Variants in HSPA12A observed in about 807,000 individuals in gnomAD.
The protein encoded by HSPA12A is heat shock protein family A (Hsp70) member 12A, also known as heat shock 70 kDa protein 12A.
HSPA12A carries 28 observed loss-of-function variants against 69.2 expected under a neutral mutation model. The observed-to-expected ratio is 0.40, with a 90% CI of 0.30 to 0.55. HSPA12A has a LOEUF of 0.55. HSPA12A is among the 20% of genes least tolerant of loss of function. HSPA12A has a pLI of 0.38. For synonymous variants in HSPA12A, 345 were observed against 370.5 expected, an observed-to-expected ratio of 0.93 and a Z score of 0.79; for missense variants, 686 against 900.7, an observed-to-expected ratio of 0.76 and a Z score of 3.05.
chr10:116,729,074 G>A (rs1379596767), intron 1 of HSPA12A, among the ~76,000 whole-genome samples: 6 of 152,302 alleles, frequency 3.9e-5, no homozygotes, highest in East Asian at 1.9e-4. Context: ...TCACACAAAT[G>A]TGAGTTGTGT....
chr10:116,752,141 G>C lies in HSPA12A; in HGVS notation c.92-44856C>G, dbSNP rs543732886. ...GCCTCTATTTCAGATGGGGACGTTG[G>C]GGGTGGTGAGGTCAAGTCACCTGCT... On this transcript the variant is annotated intron_variant, in intron 2 of 12. Coordinates refer to the HSPA12A transcript ENST00000635765. Among the ~76,000 whole-genome samples the C allele has an allele frequency of 3.3e-5, 5 of 152,276 alleles. No individual in the cohort carries two copies. In the South Asian group the frequency reaches 6.2e-4, roughly 19 times the overall value.
At chr10:116,694,887 C>G (rs1356216586) in intron 5 of HSPA12A, among the ~76,000 whole-genome samples, 1 of 152,188 alleles carries the variant, frequency 6.6e-6, no homozygotes, top group African/African-American at 2.4e-5. Context: ...TCCAAGCAGG[C>G]TTCACAACGC....
chr10:116,685,200 T>C (rs1849543351), intron 6 of HSPA12A, among the ~76,000 whole-genome samples: 1 of 152,174 alleles, frequency 6.6e-6, no homozygotes, highest in African/African-American at 2.4e-5. Context: ...TGCATTCTTC[T>C]TGCAGACCAG....
intron 1 of HSPA12A, among the ~76,000 whole-genome samples, chr10:116,722,841 T>C (rs1329366903): frequency 1.3e-5 from 2 of 152,172 alleles, no homozygotes; most frequent in African/African-American, 2.4e-5. Context: ...TGAGACACCA[T>C]GGTAAGTGCC....
At chr10:116,745,062 C>G (rs1433196672), upstream of HSPA12A, among the ~76,000 whole-genome samples, 2 of 152,182 alleles carry the variant, frequency 1.3e-5, no homozygotes, top group African/African-American at 4.8e-5. Flanking sequence ...CTCCCCCGGA[C>G]ACATCCTTCA....
intron 2 of HSPA12A, among the ~76,000 whole-genome samples, chr10:116,705,840 C>T (rs967883782): frequency 2.0e-5 from 3 of 151,710 alleles, no homozygotes; most frequent in Non-Finnish European, 4.4e-5. Context: ...GGCCTTGCCT[C>T]ATCTAGATCA....
At chr10:116,796,163 A>AAG (rs1554893392) in intron 2 of HSPA12A, among the ~76,000 whole-genome samples, 16 of 138,938 alleles carry the variant, frequency 1.2e-4, no homozygotes, top group East Asian at 2.1e-4. Context: ...AAAAAAAAAA[A>AAG]AAAGAAAGAA....
chr10:116,690,033 T>C (rs909473530), intron 6 of HSPA12A, among the ~76,000 whole-genome samples: 6 of 152,226 alleles, frequency 3.9e-5, no homozygotes, highest in Non-Finnish European at 5.9e-5. Context: ...TGTGGCCTAG[T>C]CAAGTTGACA....
chr10:116,697,746 C>T (rs1621708), intron 5 of HSPA12A, among the ~76,000 whole-genome samples: 8,558 of 152,186 alleles, frequency 0.056, 418 homozygotes, highest in East Asian at 0.26. Context: ...AGTGGGTTTT[C>T]GTATATTCAC....
In HSPA12A at chr10:116,792,503, G is replaced by A. The variant is rs150287293; in HGVS notation, c.91+42432C>T. 7.9e-5 allele frequency among the ~76,000 whole-genome samples: 12 copies of A among 151,618 alleles called. No individual in the cohort carries two copies. In the South Asian group the frequency reaches 1.7e-3, roughly 21 times the overall value. On this transcript the variant is annotated intron_variant, in intron 2 of 12. Transcript: ENST00000635765. ...AAAAATAAAAATAAATCAGCTGGGCGCAGTAGCACATGCCCGTAATCCCAG... is the reference window on the plus strand; with the variant it reads ...AAAAATAAAAATAAATCAGCTGGGCACAGTAGCACATGCCCGTAATCCCAG...
chr10:116,676,926 T>C (rs2860465), intron 10 of HSPA12A, among the ~76,000 whole-genome samples: 143,200 of 152,298 alleles, frequency 0.94, 67,389 homozygotes, highest in South Asian at 0.96. Context: ...GTCCTCAGCC[T>C]TCCAGGCACC....
upstream of HSPA12A, among the ~76,000 whole-genome samples, chr10:116,747,376 A>G (rs1472107559): frequency 1.7e-4 from 26 of 152,362 alleles, no homozygotes; most frequent in African/African-American, 6.3e-4. Context: ...TGGCTCGTCT[A>G]TGGTTAGTCT....
chr10:116,704,402 T>C (rs930740632), intron 3 of HSPA12A, among the ~76,000 whole-genome samples: 4 of 152,044 alleles, frequency 2.6e-5, no homozygotes, highest in South Asian at 2.1e-4. Flanking sequence ...TAGGTGGGAA[T>C]TGAACAATGA....
intron 1 of HSPA12A, among the ~76,000 whole-genome samples, chr10:116,727,020 A>G (rs772476429): frequency 2.7e-5 from 4 of 150,530 alleles, no homozygotes; most frequent in Non-Finnish European, 4.5e-5. Context: ...TGGATCTAAC[A>G]AAGTGTTATC....
intron 5 of HSPA12A, among the ~76,000 whole-genome samples, chr10:116,694,814 G>T (rs902203532): frequency 6.6e-6 from 1 of 152,028 alleles, no homozygotes; most frequent in East Asian, 1.9e-4. Context: ...GGTCCACCTC[G>T]TTGTGCCCCT....
At position 116,674,659 on chromosome 10, in the gene HSPA12A, C is replaced by T. The variant is rs1411607601; in HGVS notation, c.*122G>A. Reference sequence around the variant, plus strand: ...TATTTCTAGCCCTGATTGTTCTCATCTTCCCTGCTGAAATTCACATGGGCA... The same window carrying T: ...TATTTCTAGCCCTGATTGTTCTCATTTTCCCTGCTGAAATTCACATGGGCA... On this transcript the variant is annotated 3_prime_UTR_variant, in exon 12 of 12. Transcript: ENST00000369209. 1 of 985,020 alleles carries T rather than the reference C, an allele frequency of 1.0e-6. No individual in the cohort carries two copies. Among genetic ancestry groups the T allele is most frequent in the African/African-American group, 1.6e-5 (1 of 62,248 alleles). 61.0% of individuals were successfully genotyped at this position (985,020 alleles called of 1,614,324 possible). A position where few individuals can be genotyped will look rare whatever the true frequency, so the allele number is the denominator to read the frequency against.
At chr10:116,783,482 G>A (rs1269437447) in intron 2 of HSPA12A, among the ~76,000 whole-genome samples, 2 of 152,198 alleles carry the variant, frequency 1.3e-5, no homozygotes, top group African/African-American at 4.8e-5. Flanking sequence ...CTTGGCTGGA[G>A]CACAGGCTGC....
intron 9 of HSPA12A, 65 bp downstream of exon 9, chr10:116,681,087 C>G (rs1849387255): frequency 9.3e-7 from 1 of 1,078,512 alleles, no homozygotes; most frequent in East Asian, 2.4e-5. Context: ...TTATCTGAAA[C>G]AAGTGAAAAC....
intron 2 of HSPA12A, among the ~76,000 whole-genome samples, chr10:116,802,672 C>T (rs753474259): frequency 1.3e-5 from 2 of 152,204 alleles, no homozygotes; most frequent in Non-Finnish European, 2.9e-5. Context: ...GGAAAGTCAC[C>T]GGGGCCACAG....
Sources: gnomAD v4.1 joint callset for allele counts (sites outside exome capture counted in the v4.1 genomes callset) on GRCh38, gnomAD v4.1.1 for gene constraint, MANE v1.5 for transcripts, NCBI Gene and HGNC (gene_info 2026-07-23, HGNC 2026-07-21) for gene names.